AAK1: variants seen among roughly 807,000 people sequenced by gnomAD.
The protein encoded by AAK1 is AP2 associated kinase 1, also known as AP2-associated protein kinase 1.
A neutral mutation model predicts 116.0 loss-of-function variants in AAK1; 37 were observed. The ratio of observed to expected loss-of-function variants is 0.32; its 90% CI spans 0.25 to 0.42. AAK1 has a LOEUF of 0.42. Ranked by LOEUF, AAK1 falls within the 10% of genes least tolerant of loss-of-function variation. The probability of loss-of-function intolerance (pLI) is 1.00; values close to 1 mark genes in which losing one functional copy is unlikely to be tolerated. For missense variants in AAK1, 919 were observed against 1,170.6 expected, an observed-to-expected ratio of 0.79 and a Z score of 3.14; for synonymous variants, 458 against 439.9, an observed-to-expected ratio of 1.04 and a Z score of -0.51.
At chr2:69,555,676 T>C (rs1244834429) in intron 3 of AAK1, among the ~76,000 whole-genome samples, 1 of 152,234 alleles carries the variant, frequency 6.6e-6, no homozygotes, top group Non-Finnish European at 1.5e-5. Flanking sequence ...AAGCAGTATG[T>C]TGGAGCATAC....
chr2:69,526,774 C>A (rs1317070031), intron 9 of AAK1, among the ~76,000 whole-genome samples: 1 of 152,112 alleles, frequency 6.6e-6, no homozygotes, highest in Non-Finnish European at 1.5e-5. Flanking sequence ...ACAGCAGAAG[C>A]AAAATCAAGA....
chr2:69,542,484 T>C lies in AAK1; in HGVS notation c.534+39A>G, dbSNP rs1558947898. Reference sequence around the variant, plus strand: ...CCATCCCTGGGGCAGACAGAAAATATTGAGTAGAATGCCCGTAATGAAAGA... The same window carrying C: ...CCATCCCTGGGGCAGACAGAAAATACTGAGTAGAATGCCCGTAATGAAAGA... On this transcript the variant is annotated intron_variant, in intron 5 of 21. Transcript: ENST00000409085. 6 of 1,611,360 alleles carry C rather than the reference T, an allele frequency of 3.7e-6. No individual in the cohort carries two copies. In the East Asian group the frequency reaches 8.9e-5, roughly 24 times the overall value.
intron 2 of AAK1, among the ~76,000 whole-genome samples, chr2:69,573,994 CAAAATA>C (rs148879862): frequency 0.047 from 7,120 of 150,850 alleles, 453 homozygotes; most frequent in East Asian, 0.18. Context: ...GACTCCATCT[CAAAATA>C]AAAATAAAAA....
intron 15 of AAK1, among the ~76,000 whole-genome samples, chr2:69,506,072 C>G (rs1279172660): frequency 2.0e-5 from 3 of 151,916 alleles, no homozygotes; most frequent in Non-Finnish European, 4.4e-5. Context: ...TTTAGGAGAG[C>G]AAATGAGAAG....
intron 17 of AAK1, among the ~76,000 whole-genome samples, chr2:69,489,352 G>A (rs1002932689): frequency 6.6e-6 from 1 of 151,686 alleles, no homozygotes; most frequent in African/African-American, 2.4e-5. Flanking sequence ...TCGGGGGGCT[G>A]AGGCAGGAGA....
Position 69,467,737 on chromosome 2 carries a change from T to G in AAK1, c.*8132A>C. On this transcript the variant is annotated 3_prime_UTR_variant, in exon 22 of 22. Coordinates refer to ENST00000409085, the MANE Select transcript of AAK1 (RefSeq NM_014911.5). Reference sequence around the variant, plus strand: ...TAGCAGAAATTTCTGCCAAAAATTATCCCCTGCTAAAGTTTCTGCATGAAT... The same window carrying G: ...TAGCAGAAATTTCTGCCAAAAATTAGCCCCTGCTAAAGTTTCTGCATGAAT... 1 of 985,376 alleles carries G rather than the reference T, an allele frequency of 1.0e-6. No individual in the cohort carries two copies. The highest frequency in any genetic ancestry group is 1.2e-6 in the Non-Finnish European group (1 of 829,924). 61.0% of individuals were successfully genotyped at this position (985,376 alleles called of 1,614,324 possible). A position where few individuals can be genotyped will look rare whatever the true frequency, so the allele number is the denominator to read the frequency against.
Position 69,471,084 on chromosome 2 carries a change from A to G in AAK1, c.*4785T>C. ...TGTATGCTTTGTCTTCTTGGGAAGGACGCGTTAAAGACCTATGATAAACAC... is the reference window on the plus strand; with the variant it reads ...TGTATGCTTTGTCTTCTTGGGAAGGGCGCGTTAAAGACCTATGATAAACAC... On this transcript the variant is annotated 3_prime_UTR_variant, in exon 22 of 22. Transcript: ENST00000409085. 1.0e-6 allele frequency: 1 copy of G among 985,800 alleles called. No individual in the cohort carries two copies. Among genetic ancestry groups the G allele is most frequent in the Non-Finnish European group, 1.2e-6 (1 of 829,926 alleles). 61.1% of individuals were successfully genotyped at this position (985,800 alleles called of 1,614,324 possible).
At chr2:69,578,859 A>C (rs1391870274) in intron 2 of AAK1, among the ~76,000 whole-genome samples, 1 of 145,906 alleles carries the variant, frequency 6.9e-6, no homozygotes, top group Non-Finnish European at 1.5e-5. Flanking sequence ...GCTGGAGTGC[A>C]GTGGCGCGGT....
At chr2:69,613,109 A>G (rs143830113) in intron 2 of AAK1, among the ~76,000 whole-genome samples, 4 of 152,320 alleles carry the variant, frequency 2.6e-5, no homozygotes, top group African/African-American at 9.6e-5. Flanking sequence ...TTGTCAAGGA[A>G]GATGAGATGC....
chr2:69,604,522 G>GTATC (rs1553420601), intron 2 of AAK1, among the ~76,000 whole-genome samples: 2 of 152,098 alleles, frequency 1.3e-5, no homozygotes, highest in Non-Finnish European at 2.9e-5. Flanking sequence ...CCCCACCATA[G>GTATC]TATCAGTGGA....
At chr2:69,636,334 T>C (rs568289159) in intron 2 of AAK1, among the ~76,000 whole-genome samples, 2 of 152,306 alleles carry the variant, frequency 1.3e-5, no homozygotes, top group African/African-American at 4.8e-5. Flanking sequence ...ATTGAATAAG[T>C]TAACCAAAAT....
intron 2 of AAK1, among the ~76,000 whole-genome samples, chr2:69,629,912 G>C (rs1447896994): frequency 6.6e-6 from 1 of 152,136 alleles, no homozygotes; most frequent in African/African-American, 2.4e-5. Flanking sequence ...AAAAAAGACA[G>C]GCATCCAGAG....
chr2:69,486,101 T>C (rs528036892), intron 17 of AAK1, among the ~76,000 whole-genome samples: 3 of 152,168 alleles, frequency 2.0e-5, no homozygotes, highest in African/African-American at 4.8e-5. Flanking sequence ...GCTACAGGCA[T>C]GTACCACCAT....
chr2:69,574,196 C>T (rs1011480520), intron 2 of AAK1, among the ~76,000 whole-genome samples: 1 of 150,948 alleles, frequency 6.6e-6, no homozygotes, highest in Non-Finnish European at 1.5e-5. Context: ...AACAGTGAAA[C>T]CCCATCTCTA....
chr2:69,570,795 T>C (rs1056637889), intron 2 of AAK1, among the ~76,000 whole-genome samples: 2 of 152,214 alleles, frequency 1.3e-5, no homozygotes, highest in African/African-American at 4.8e-5. Context: ...CAAGATTAAA[T>C]CTCTTAATAT....
At chr2:69,488,195 A>G (rs1203739607) in intron 17 of AAK1, among the ~76,000 whole-genome samples, 1 of 146,046 alleles carries the variant, frequency 6.8e-6, no homozygotes, top group African/African-American at 2.7e-5. Flanking sequence ...GGAGGGGAAC[A>G]AAAGTTGAAT....
rs1674574014 is a variant in AAK1 at position 69,468,708 on chromosome 2, T to C, written c.*7161A>G. 1.0e-6 allele frequency: 1 copy of C among 985,324 alleles called. No homozygotes were observed. The highest frequency in any genetic ancestry group is 4.7e-5 in the South Asian group (1 of 21,290). The allele number at this position is 985,324 out of a possible 1,614,324, so 61.0% of individuals were successfully genotyped here. On this transcript the variant is annotated 3_prime_UTR_variant, in exon 22 of 22. Coordinates refer to ENST00000409085, the MANE Select transcript of AAK1 (RefSeq NM_014911.5). ...AGAGACTGGCAAAAAAGCAGCTATCTATTGAACCAGGGGCACTTTGGATGC... is the reference window on the plus strand; with the variant it reads ...AGAGACTGGCAAAAAAGCAGCTATCCATTGAACCAGGGGCACTTTGGATGC...
At chr2:69,551,801 A>G (rs1671193919) in intron 3 of AAK1, among the ~76,000 whole-genome samples, 1 of 152,232 alleles carries the variant, frequency 6.6e-6, no homozygotes, top group Non-Finnish European at 1.5e-5. Context: ...ATCAGAGCAC[A>G]CATCCCATAT....
intron 16 of AAK1, among the ~76,000 whole-genome samples, chr2:69,502,775 T>C (rs1039520955): frequency 2.0e-5 from 3 of 152,186 alleles, no homozygotes; most frequent in Non-Finnish European, 4.4e-5. Context: ...AACTTGAAAA[T>C]ATGTATAAAA....
Sources: allele counts gnomAD v4.1 joint callset (sites outside exome capture counted in the v4.1 genomes callset), GRCh38; gene constraint gnomAD v4.1.1; transcripts MANE v1.5; gene names NCBI Gene and HGNC (gene_info 2026-07-23, HGNC 2026-07-21).